ZNF486: variants seen among roughly 807,000 people sequenced by gnomAD.
The protein encoded by ZNF486 is zinc finger protein 486.
A neutral mutation model predicts 12.8 loss-of-function variants in ZNF486; 12 were observed. That is an observed-to-expected ratio of 0.94 (90% CI 0.60 to 1.52). ZNF486 has a LOEUF of 1.52. Among genes scored for constraint, ZNF486 ranks in the 40% most tolerant of loss-of-function variants. The pLI is 0.00. For synonymous variants in ZNF486, 231 were observed against 184.9 expected (o/e 1.25, Z -2.02); for missense variants, 738 against 545.0 (o/e 1.35, Z -3.53).
chr19:20,184,736 TAA>T (rs1555716107), intron 2 of ZNF486, among the ~76,000 whole-genome samples: 1 of 152,140 alleles, frequency 6.6e-6, no homozygotes, highest in Admixed American at 6.5e-5. Context: ...TTTAGTGGCA[TAA>T]AATAGTGTTG....
Position 20,167,285 on chromosome 19 carries a change from C to T in ZNF486, c.-46C>T. On this transcript the variant is annotated 5_prime_UTR_variant, in exon 1 of 4. Coordinates refer to ENST00000335117, the MANE Select transcript of ZNF486 (RefSeq NM_052852.4). ...TGTCCTCTGCTCCTAGAGGCCCACCCTCTGTGGCCCTGTGTCCTGTAGGTA... is the reference window on the plus strand; with the variant it reads ...TGTCCTCTGCTCCTAGAGGCCCACCTTCTGTGGCCCTGTGTCCTGTAGGTA... 1.9e-6 allele frequency: 3 copies of T among 1,611,814 alleles called. No individual in the cohort carries two copies. Among genetic ancestry groups the T allele is most frequent in the South Asian group, 2.2e-5 (2 of 91,034 alleles).
intron 1 of ZNF486, chr19:20,175,969 ACCTC>A (rs1555714680): frequency 2.0e-4 from 33 of 163,144 alleles, no homozygotes; most frequent in Non-Finnish European, 1.3e-5. Flanking sequence ...GACTGACCCC[ACCTC>A]CCTCCCGGAC....
At chr19:20,172,016 T>G (rs2089653407) in intron 1 of ZNF486, among the ~76,000 whole-genome samples, 1 of 152,048 alleles carries the variant, frequency 6.6e-6, no homozygotes, top group African/African-American at 2.4e-5. Flanking sequence ...TTTTGTTTTG[T>G]CTTTTGAGCT....
chr19:20,179,509 A>T (rs1401271545), intron 1 of ZNF486, among the ~76,000 whole-genome samples: 1 of 152,156 alleles, frequency 6.6e-6, no homozygotes, highest in Non-Finnish European at 1.5e-5. Flanking sequence ...CTTATTATTT[A>T]GAATGTGTTA....
intron 1 of ZNF486, among the ~76,000 whole-genome samples, chr19:20,169,888 G>GTTTT (rs781968530): frequency 8.7e-4 from 95 of 108,876 alleles, no homozygotes; most frequent in African/African-American, 1.8e-3. Context: ...GGGGTTGTAT[G>GTTTT]TTTTTTTTTT....
At position 20,197,139 on chromosome 19, in the gene ZNF486, C is replaced by CATT; in HGVS notation, c.429_430insATT (p.Asn143_Gln144insIle). 6.2e-7 allele frequency: 1 copy of CATT among 1,613,814 alleles called. No homozygotes were observed. The highest frequency in any genetic ancestry group is 2.2e-5 in the East Asian group (1 of 44,846). ...ACAAAAGAGGTTATAATGGACTTAA[C>CATT]CAATGTTTGACAACTACCCAGAGCA... is the stretch of plus-strand genomic sequence containing the variant. On this transcript the variant is annotated inframe_insertion, in exon 4 of 4. Coordinates refer to ENST00000335117, the MANE Select transcript of ZNF486 (RefSeq NM_052852.4).
At chr19:20,176,429 C>T (rs529584520) in intron 1 of ZNF486, 43 of 200,300 alleles carry the variant, frequency 2.1e-4, no homozygotes, top group South Asian at 4.3e-4. Context: ...GGGTGGCGGC[C>T]GGGCAGAGGC....
At chr19:20,190,480 G>C (rs1555717029) in intron 3 of ZNF486, among the ~76,000 whole-genome samples, 4 of 152,134 alleles carry the variant, frequency 2.6e-5, no homozygotes, top group South Asian at 2.1e-4. Context: ...AGCCTCCTGG[G>C]CTCAAGTGAT....
intron 1 of ZNF486, among the ~76,000 whole-genome samples, chr19:20,178,040 C>T (rs980348997): frequency 1.7e-4 from 26 of 150,870 alleles, no homozygotes; most frequent in African/African-American, 5.1e-4. Flanking sequence ...TCTCCTGCCT[C>T]GGCCCTTTGA....
intron 1 of ZNF486, among the ~76,000 whole-genome samples, chr19:20,180,351 A>C (rs782604894): frequency 2.6e-5 from 4 of 152,020 alleles, no homozygotes; most frequent in Non-Finnish European, 1.5e-5. Context: ...AGTTGCTTCC[A>C]TTTCATATGG....
chr19:20,192,247 T>G (rs1297898463), intron 3 of ZNF486, among the ~76,000 whole-genome samples: 1 of 152,202 alleles, frequency 6.6e-6, no homozygotes, highest in Non-Finnish European at 1.5e-5. Context: ...GTAGGCAGCA[T>G]ACTGTATGCT....
Position 20,196,973 on chromosome 19 carries a change from C to G in ZNF486, c.263C>G (p.Ser88Cys). 6.5e-7 allele frequency: 1 copy of G among 1,544,702 alleles called. No individual in the cohort carries two copies. The highest frequency in any genetic ancestry group is 1.3e-5 in the South Asian group (1 of 78,056). Residue 88 changes from serine (S) to cysteine (C), a missense_variant, in exon 4 of 4, where the codon TCT becomes TGT. Coordinates refer to ENST00000335117, the MANE Select transcript of ZNF486 (RefSeq NM_052852.4). Reference sequence around the variant, plus strand: ...TTATTGTTTCTTTCAGTTGTGTGTTCTCATTTTGCCCAAGACCTTTGGCCA... The same window carrying G: ...TTATTGTTTCTTTCAGTTGTGTGTTGTCATTTTGCCCAAGACCTTTGGCCA... ...EMIAKPPVVC[S>C]HFAQDLWPEQ... is the part of the protein sequence containing the mutation.
chr19:20,199,078 G>GT lies in ZNF486; in HGVS notation c.*977dup, dbSNP rs1462211191. 6.6e-6 allele frequency: 1 copy of GT among 151,978 alleles called. No individual in the cohort carries two copies. The highest frequency in any genetic ancestry group is 1.5e-5 in the Non-Finnish European group (1 of 68,006). 9.4% of individuals were successfully genotyped at this position (151,978 alleles called of 1,614,324 possible). On this transcript the variant is annotated 3_prime_UTR_variant, in exon 4 of 4. Transcript: ENST00000335117. ...AAAACTTTTAATCAGTGCTTACACC[G>GT]TATTTCACAGGAAAGCTATTATCCT...
At position 20,196,953 on chromosome 19, in the gene ZNF486, G is replaced by A. The variant is rs1555718059; in HGVS notation, c.254-11G>A. 3.9e-6 allele frequency: 6 copies of A among 1,526,756 alleles called. No individual in the cohort carries two copies. The highest frequency in any genetic ancestry group is 4.6e-5 in the Admixed American group (2 of 43,694). 94.6% of individuals were successfully genotyped at this position (1,526,756 alleles called of 1,614,324 possible). A position where few individuals can be genotyped will look rare whatever the true frequency, so the allele number is the denominator to read the frequency against. On this transcript the variant is annotated splice_polypyrimidine_tract_variant and intron_variant, in intron 3 of 3. Transcript: ENST00000335117. ...GCAATTGAAGTAATGTGTTTTTATT[G>A]TTTCTTTCAGTTGTGTGTTCTCATT...
chr19:20,179,542 C>A (rs936399563), intron 1 of ZNF486, among the ~76,000 whole-genome samples: 2 of 152,032 alleles, frequency 1.3e-5, no homozygotes, highest in Non-Finnish European at 2.9e-5. Flanking sequence ...TGAGAGCTCT[C>A]TTTTGACTGT....
intron 3 of ZNF486, among the ~76,000 whole-genome samples, chr19:20,189,648 ATC>A (rs1281173575): frequency 6.6e-6 from 1 of 152,118 alleles, no homozygotes; most frequent in East Asian, 1.9e-4. Context: ...TTGATGAAAA[ATC>A]TTTTTGTTCA....
chr19:20,198,820 C>A lies in ZNF486; in HGVS notation c.*718C>A, dbSNP rs782473625. ...GACAGGCATGAGCCTCAATTCCCAG[C>A]CATAAGCTCTTAATTCTTAAGAGAC... is the stretch of plus-strand genomic sequence containing the variant. On this transcript the variant is annotated 3_prime_UTR_variant, in exon 4 of 4. Transcript: ENST00000335117. The A allele has an allele frequency of 6.6e-6, 1 of 152,208 alleles. No homozygotes were observed. The highest frequency in any genetic ancestry group is 1.5e-5 in the Non-Finnish European group (1 of 68,058). The allele number at this position is 152,208 out of a possible 1,614,324, so 9.4% of individuals were successfully genotyped here.
intron 3 of ZNF486, among the ~76,000 whole-genome samples, chr19:20,191,478 T>A (rs956440907): frequency 9.6e-5 from 12 of 125,256 alleles, no homozygotes; most frequent in Admixed American, 5.8e-4. Context: ...AAAAAAAAAA[T>A]TATGCACTCG....
chr19:20,177,622 G>T (rs543941062), intron 1 of ZNF486, among the ~76,000 whole-genome samples: 2 of 152,334 alleles, frequency 1.3e-5, no homozygotes, highest in African/African-American at 4.8e-5. Flanking sequence ...TTATTGCCCA[G>T]GCTGGAGTGC....
Sources: gnomAD v4.1 joint callset for allele counts (sites outside exome capture counted in the v4.1 genomes callset) on GRCh38, gnomAD v4.1.1 for gene constraint, MANE v1.5 for transcripts, NCBI Gene and HGNC (gene_info 2026-07-23, HGNC 2026-07-21) for gene names.